The following NOL4 variants were observed in gnomAD, a reference collection of about 807,000 sequenced individuals.
NOL4 encodes cancer/testis antigen 125.
Under a neutral mutation model 75.9 loss-of-function variants are expected in NOL4, and 17 were observed. The ratio of observed to expected loss-of-function variants is 0.22; its 90% CI spans 0.15 to 0.34. NOL4 has a LOEUF of 0.34. Among genes scored for constraint, NOL4 ranks in the 10% least tolerant of loss-of-function variants. The pLI is 1.00. For missense variants in NOL4, 614 were observed against 793.5 expected, an observed-to-expected ratio of 0.77 and a Z score of 2.72; for synonymous variants, 292 against 289.9, an observed-to-expected ratio of 1.01 and a Z score of -0.07.
At chr18:33,970,002 C>A (rs1442345844) in intron 6 of NOL4, among the ~76,000 whole-genome samples, 2 of 152,002 alleles carry the variant, frequency 1.3e-5, no homozygotes, top group Non-Finnish European at 2.9e-5. Context: ...TTGAAATCGC[C>A]CAAAGGACTT....
chr18:34,097,633 T>C (rs185739318), intron 4 of NOL4, among the ~76,000 whole-genome samples: 1 of 152,330 alleles, frequency 6.6e-6, no homozygotes, highest in Admixed American at 6.5e-5. Flanking sequence ...TTTTTAGTTT[T>C]AATTAATTTT....
At chr18:34,142,375 T>C (rs949380148) in intron 1 of NOL4, among the ~76,000 whole-genome samples, 6 of 152,202 alleles carry the variant, frequency 3.9e-5, no homozygotes, top group Admixed American at 1.3e-4. Context: ...TAAAGACATA[T>C]GCACATGTAT....
intron 8 of NOL4, among the ~76,000 whole-genome samples, chr18:33,944,154 G>A (rs2068683202): frequency 6.6e-6 from 1 of 151,868 alleles, no homozygotes; most frequent in Non-Finnish European, 1.5e-5. Flanking sequence ...AGCATATACA[G>A]TATATGCCAC....
In NOL4 at chr18:33,883,811, C is replaced by A. The variant is rs187749635; in HGVS notation, c.1543-387G>T. Reference sequence around the variant, plus strand: ...TGAAAGAAACCCTGTCATACTACAGCATGGATGAACTTAAGGACATTGTGC... The same window carrying A: ...TGAAAGAAACCCTGTCATACTACAGAATGGATGAACTTAAGGACATTGTGC... On this transcript the variant is annotated intron_variant, in intron 9 of 10. Transcript: ENST00000261592. Among the ~76,000 whole-genome samples, 10 of 152,202 alleles carry A rather than the reference C, an allele frequency of 6.6e-5. 1 individual carries two copies. In the East Asian group the frequency reaches 1.9e-3, roughly 29 times the overall value.
At chr18:33,889,387 C>G (rs989612242) in intron 9 of NOL4, among the ~76,000 whole-genome samples, 1 of 151,952 alleles carries the variant, frequency 6.6e-6, no homozygotes, top group South Asian at 2.1e-4. Flanking sequence ...AATAGCCTAC[C>G]AACCAAAAAA....
chr18:34,121,020 C>T (rs1037039451), intron 2 of NOL4, among the ~76,000 whole-genome samples: 26 of 152,084 alleles, frequency 1.7e-4, no homozygotes, highest in African/African-American at 6.3e-4. Context: ...GAATATTTGG[C>T]TGCTAAGGAA....
intron 5 of NOL4, among the ~76,000 whole-genome samples, chr18:34,088,205 AT>A (rs138557204): frequency 0.011 from 1,600 of 152,172 alleles, 21 homozygotes; most frequent in South Asian, 0.027. Flanking sequence ...ATGAAGTAAA[AT>A]GCTTATTTTG....
intron 1 of NOL4, among the ~76,000 whole-genome samples, chr18:34,199,145 GTTTTTT>G (rs11323634): frequency 7.6e-6 from 1 of 131,280 alleles, no homozygotes; most frequent in Non-Finnish European, 1.6e-5. Flanking sequence ...GGACAGAGAA[GTTTTTT>G]TTTTTTTTTT....
intron 10 of NOL4, among the ~76,000 whole-genome samples, chr18:33,878,313 T>C (rs1489198456): frequency 1.3e-5 from 2 of 152,064 alleles, no homozygotes; most frequent in Non-Finnish European, 2.9e-5. Flanking sequence ...ATTATTCTTT[T>C]CCTTATTTGT....
intron 5 of NOL4, among the ~76,000 whole-genome samples, chr18:34,082,415 A>T (rs2078052845): frequency 1.3e-5 from 2 of 152,214 alleles, no homozygotes; most frequent in Non-Finnish European, 2.9e-5. Context: ...AAAAACTTTA[A>T]AAAGCTTATT....
rs556774755 is a variant in NOL4 at position 33,901,313 on chromosome 18, T to C, written c.1543-17889A>G. Among the ~76,000 whole-genome samples the C allele has an allele frequency of 2.0e-5, 3 of 152,220 alleles. No individual in the cohort carries two copies. The South Asian group carries it at 6.2e-4, about 32-fold the overall frequency. On this transcript the variant is annotated intron_variant, in intron 9 of 10. Coordinates refer to ENST00000261592, the MANE Select transcript of NOL4 (RefSeq NM_003787.5). ...TGAATCATCTGAGTTATTGGCAAAATGCTCATGAGTTAACTTTAAGGTTCT... is the reference window on the plus strand; with the variant it reads ...TGAATCATCTGAGTTATTGGCAAAACGCTCATGAGTTAACTTTAAGGTTCT...
rs983943759 is a variant in NOL4 at position 34,170,325 on chromosome 18, G to A, written c.265-40305C>T. The stretch of plus-strand genomic sequence containing the variant: ...CCCGAGTAGCTGGGATTACAGGCAC[G>A]TGCCACACTGCCTGGCTAATTTTTG... On this transcript the variant is annotated intron_variant, in intron 1 of 10. Coordinates refer to ENST00000261592, the MANE Select transcript of NOL4 (RefSeq NM_003787.5). 9.2e-5 allele frequency among the ~76,000 whole-genome samples: 14 copies of A among 151,956 alleles called. No homozygotes were observed. In the South Asian group the frequency reaches 2.5e-3, roughly 27 times the overall value.
chr18:34,180,415 T>C (rs79145113), intron 1 of NOL4, among the ~76,000 whole-genome samples: 5,179 of 151,546 alleles, frequency 0.034, 90 homozygotes, highest in Middle Eastern at 0.048. Flanking sequence ...GGAAAAGTAT[T>C]TGAGAAAAAT....
chr18:33,878,768 G>A (rs563885527), intron 10 of NOL4, among the ~76,000 whole-genome samples: 2 of 152,102 alleles, frequency 1.3e-5, no homozygotes, highest in South Asian at 2.1e-4. Context: ...AAAATACATC[G>A]GAAGTTCCTA....
intron 9 of NOL4, among the ~76,000 whole-genome samples, chr18:33,909,789 C>T (rs896773665): frequency 1.3e-5 from 2 of 151,676 alleles, no homozygotes; most frequent in Non-Finnish European, 2.9e-5. Context: ...CATGGGATTT[C>T]CAGGGCTGCG....
At chr18:34,116,250 G>C (rs2079851487) in intron 2 of NOL4, among the ~76,000 whole-genome samples, 1 of 151,930 alleles carries the variant, frequency 6.6e-6, no homozygotes, top group African/African-American at 2.4e-5. Flanking sequence ...CAATGATCAA[G>C]TTCTATAAAG....
chr18:34,136,350 T>C (rs561297370), intron 1 of NOL4, among the ~76,000 whole-genome samples: 231 of 152,178 alleles, frequency 1.5e-3, no homozygotes, highest in Non-Finnish European at 2.8e-3. Flanking sequence ...GGAAAATTAA[T>C]CAGGGAAAAG....
intron 5 of NOL4, among the ~76,000 whole-genome samples, chr18:34,080,151 T>G (rs4239385): frequency 0.43 from 64,690 of 152,132 alleles, 13,880 homozygotes; most frequent in Admixed American, 0.51. Flanking sequence ...ACCTGTGATG[T>G]GTCATTCATC....
At chr18:34,051,533 A>G (rs1430990500) in intron 5 of NOL4, among the ~76,000 whole-genome samples, 1 of 152,134 alleles carries the variant, frequency 6.6e-6, no homozygotes, top group East Asian at 1.9e-4. Context: ...TTAGTTTTAT[A>G]AGAGAATGAG....
Sources: allele counts gnomAD v4.1 joint callset (sites outside exome capture counted in the v4.1 genomes callset), GRCh38; gene constraint gnomAD v4.1.1; transcripts MANE v1.5; gene names NCBI Gene and HGNC (gene_info 2026-07-23, HGNC 2026-07-21).